POU6F2: variants seen among roughly 807,000 people sequenced by gnomAD.
POU6F2 encodes the protein POU class 6 homeobox 2, also known as POU domain, class 6, transcription factor 2.
In POU6F2, 31 loss-of-function variants were observed where a neutral mutation model predicts 71.3. The observed-to-expected ratio is 0.43, with a 90% CI of 0.33 to 0.59. The LOEUF is 0.59. POU6F2 is among the 20% of genes least tolerant of loss of function. The probability of loss-of-function intolerance (pLI) is 0.04; values close to 1 mark genes in which losing one functional copy is unlikely to be tolerated. For missense variants in POU6F2, 783 were observed against 856.8 expected, an observed-to-expected ratio of 0.91 and a Z score of 1.07; for synonymous variants, 347 against 355.7, an observed-to-expected ratio of 0.98 and a Z score of 0.27.
chr7:39,281,421 TG>T (rs1456762292), intron 4 of POU6F2, among the ~76,000 whole-genome samples: 2 of 152,174 alleles, frequency 1.3e-5, no homozygotes, highest in East Asian at 3.8e-4. Context: ...ACTGTAACTT[TG>T]TACCTGTTGG....
At chr7:39,027,135 C>G (rs538155971) in intron 1 of POU6F2, among the ~76,000 whole-genome samples, 1 of 152,192 alleles carries the variant, frequency 6.6e-6, no homozygotes, top group South Asian at 2.1e-4. Flanking sequence ...TATAAGTAAA[C>G]TACTTATGAA....
chr7:39,050,157 C>T lies in POU6F2; in HGVS notation c.106-35703C>T, dbSNP rs368945573. On this transcript the variant is annotated intron_variant, in intron 1 of 9. Transcript: ENST00000518318. ...TTTTTTCATCTATAGTGTGTGGACA[C>T]TACTCTCTGCTTAGCACCCCTTTTC... is the stretch of plus-strand genomic sequence containing the variant. Among the ~76,000 whole-genome samples the T allele has an allele frequency of 6.6e-5, 10 of 152,036 alleles. No homozygotes were observed. In the South Asian group the frequency reaches 2.1e-3, roughly 32 times the overall value.
intron 1 of POU6F2, chr7:39,034,547 G>C (rs932933260): frequency 2.6e-6 from 1 of 387,816 alleles, no homozygotes; most frequent in Admixed American, 2.5e-5. Flanking sequence ...GGTCAGATTG[G>C]GTTCGCTCTG....
At chr7:39,311,616 G>A (rs1785166002) in intron 4 of POU6F2, among the ~76,000 whole-genome samples, 1 of 152,318 alleles carries the variant, frequency 6.6e-6, no homozygotes, top group African/African-American at 2.4e-5. Flanking sequence ...GATAAATGAT[G>A]TTACAGCATT....
At chr7:39,232,206 A>C (rs1259010562) in intron 4 of POU6F2, among the ~76,000 whole-genome samples, 1 of 152,228 alleles carries the variant, frequency 6.6e-6, no homozygotes, top group Non-Finnish European at 1.5e-5. Flanking sequence ...TTATGATTAC[A>C]TGTGAATAGA....
intron 5 of POU6F2, among the ~76,000 whole-genome samples, chr7:39,370,850 C>T (rs1786591218): frequency 6.6e-6 from 1 of 152,208 alleles, no homozygotes; most frequent in African/African-American, 2.4e-5. Flanking sequence ...CCTGGGTCTC[C>T]ACCCTGTAGG....
chr7:39,001,659 ATGG>A (rs1340276853), intron 1 of POU6F2, among the ~76,000 whole-genome samples: 2 of 27,476 alleles, frequency 7.3e-5, no homozygotes, highest in East Asian at 2.4e-3. Flanking sequence ...AATGGTGATA[ATGG>A]TGGTGGTGAT....
At chr7:39,328,311 AAAT>A (rs755090758) in intron 4 of POU6F2, among the ~76,000 whole-genome samples, 11 of 152,240 alleles carry the variant, frequency 7.2e-5, no homozygotes, top group Non-Finnish European at 1.6e-4. Context: ...AGGATCTCCC[AAAT>A]AATTTTTTTG....
chr7:39,459,420 G>A (rs1181780507), intron 8 of POU6F2, among the ~76,000 whole-genome samples: 1 of 152,000 alleles, frequency 6.6e-6, no homozygotes, highest in South Asian at 2.1e-4. Context: ...CTTGAAAATG[G>A]GCATTTGGCG....
chr7:39,369,001 G>A (rs1406745167), intron 5 of POU6F2, among the ~76,000 whole-genome samples: 2 of 152,130 alleles, frequency 1.3e-5, no homozygotes, highest in African/African-American at 4.8e-5. Flanking sequence ...CTAAAGATGT[G>A]ACAGAATCTC....
intron 5 of POU6F2, among the ~76,000 whole-genome samples, chr7:39,363,886 A>T (rs1227365762): frequency 2.0e-5 from 3 of 152,140 alleles, no homozygotes; most frequent in African/African-American, 7.2e-5. Flanking sequence ...TTCAAAAAGA[A>T]ATAAAAGAAG....
At chr7:39,340,472 C>T (rs1239055689) in intron 5 of POU6F2, among the ~76,000 whole-genome samples, 1 of 152,084 alleles carries the variant, frequency 6.6e-6, no homozygotes, top group Non-Finnish European at 1.5e-5. Flanking sequence ...GTACTTTGTG[C>T]TCTTTTGTTT....
chr7:38,982,874 T>C (rs1788358746), intron 1 of POU6F2, among the ~76,000 whole-genome samples: 1 of 152,128 alleles, frequency 6.6e-6, no homozygotes, highest in Non-Finnish European at 1.5e-5. Flanking sequence ...AAAGAAAGTT[T>C]GCATGTAATA....
intron 4 of POU6F2, among the ~76,000 whole-genome samples, chr7:39,241,256 A>C (rs1554334728): frequency 6.6e-6 from 1 of 152,192 alleles, no homozygotes; most frequent in Non-Finnish European, 1.5e-5. Context: ...GAGGCAGAGG[A>C]ATAGATTTAC....
intron 5 of POU6F2, among the ~76,000 whole-genome samples, chr7:39,347,192 G>A (rs1045456679): frequency 6.6e-6 from 1 of 152,144 alleles, no homozygotes; most frequent in Non-Finnish European, 1.5e-5. Context: ...TTAGTATCCT[G>A]CCTACTTTTT....
At chr7:39,133,825 GC>G (rs1792337053) in intron 2 of POU6F2, among the ~76,000 whole-genome samples, 1 of 152,210 alleles carries the variant, frequency 6.6e-6, no homozygotes, top group South Asian at 2.1e-4. Context: ...GCCCTGAGGG[GC>G]TGGAACATAG....
At chr7:39,330,688 T>TCAATTAAGTAAA in intron 4 of POU6F2, among the ~76,000 whole-genome samples, 1 of 152,384 alleles carries the variant, frequency 6.6e-6, no homozygotes, top group Non-Finnish European at 1.5e-5. Flanking sequence ...CATTTTACTT[T>TCAATTAAGTAAA]CAATTAAGTT....
At position 39,340,015 on chromosome 7, in the gene POU6F2, G is replaced by A; in HGVS notation, c.972G>A (p.Gln324=). The A allele has an allele frequency of 6.3e-7, 1 of 1,599,448 alleles. No homozygotes were observed. The highest frequency in any genetic ancestry group is 1.7e-5 in the Admixed American group (1 of 59,502). Residue 324 remains glutamine, a splice_region_variant and synonymous_variant, in exon 5 of 10, where the codon CAG becomes CAA. Transcript: ENST00000518318. ...CGCTCACGCCACCCAATCCTCTACA[G>A]GTATGCTCCCCGTGCTTCCCGTCTG... is the stretch of plus-strand genomic sequence containing the variant. ...PSPLTPPNPL[Q]LVNNPLASQA...
At chr7:39,312,403 G>C (rs1479323860) in intron 4 of POU6F2, among the ~76,000 whole-genome samples, 2 of 152,168 alleles carry the variant, frequency 1.3e-5, no homozygotes, top group Non-Finnish European at 2.9e-5. Context: ...GAAACATTCA[G>C]TGCCAGAAGA....
Sources: allele counts gnomAD v4.1 joint callset (sites outside exome capture counted in the v4.1 genomes callset), GRCh38; gene constraint gnomAD v4.1.1; transcripts MANE v1.5; gene names NCBI Gene and HGNC (gene_info 2026-07-23, HGNC 2026-07-21).